IPO7: variants seen among roughly 807,000 people sequenced by gnomAD.
The protein encoded by IPO7 is importin 7.
A neutral mutation model predicts 136.4 loss-of-function variants in IPO7; 13 were observed. That is an observed-to-expected ratio of 0.10 (90% CI 0.06 to 0.15). IPO7 has a LOEUF of 0.15. Among genes scored for constraint, IPO7 ranks in the 10% least tolerant of loss-of-function variants. The probability of loss-of-function intolerance (pLI) is 1.00; values close to 1 mark genes in which losing one functional copy is unlikely to be tolerated. For missense variants in IPO7, 857 were observed against 1,240.6 expected (o/e 0.69, Z 4.65); for synonymous variants, 403 against 404.4 (o/e 1.00, Z 0.04).
chr11:9,448,122 ACAT>A lies in IPO7; in HGVS notation c.*2931_*2933del, dbSNP rs1305961112. ...GTAAAATAAATGACTTAAATTTAAA[ACAT>A]CAGTTATAAAACTGTCAGTTCTGTT... is the stretch of plus-strand genomic sequence containing the variant. On this transcript the variant is annotated 3_prime_UTR_variant, in exon 25 of 25. Transcript: ENST00000379719. 1 of 152,244 alleles carries A rather than the reference ACAT, an allele frequency of 6.6e-6. No individual in the cohort carries two copies. The highest frequency in any genetic ancestry group is 6.5e-5 in the Admixed American group (1 of 15,284). 9.4% of individuals were successfully genotyped at this position (152,244 alleles called of 1,614,324 possible).
chr11:9,402,767 C>G (rs148852774), intron 1 of IPO7: 2,314 of 155,126 alleles, frequency 0.015, 31 homozygotes, highest in Non-Finnish European at 0.025. Context: ...GAAGGAGAAT[C>G]GCTTGAACCC....
chr11:9,422,696 C>G (rs987886663), intron 8 of IPO7, among the ~76,000 whole-genome samples: 3 of 151,918 alleles, frequency 2.0e-5, no homozygotes, highest in Non-Finnish European at 2.9e-5. Context: ...ACCTGTAATC[C>G]CAGCACTTTG....
chr11:9,399,682 A>T (rs1035358197), intron 1 of IPO7, among the ~76,000 whole-genome samples: 5 of 152,180 alleles, frequency 3.3e-5, no homozygotes, highest in Non-Finnish European at 5.9e-5. Flanking sequence ...CCTATGACCA[A>T]GTCCTGGTGA....
In IPO7 at chr11:9,417,203, T is replaced by C. The variant is rs545601808; in HGVS notation, c.726+55T>C. 1.0e-5 allele frequency: 8 copies of C among 791,014 alleles called. No individual in the cohort carries two copies. In the African/African-American group the frequency reaches 1.4e-4, roughly 14 times the overall value. The allele number at this position is 791,014 out of a possible 1,614,324, so 49.0% of individuals were successfully genotyped here. ...TAAATGTAAATATTTAATGATCTTT[T>C]GAAGACTTTAACTGGTGTTTCCTGT... On this transcript the variant is annotated intron_variant, in intron 6 of 24. Transcript: ENST00000379719.
At chr11:9,421,028 G>A (rs1215236685) in intron 8 of IPO7, among the ~76,000 whole-genome samples, 1 of 151,546 alleles carries the variant, frequency 6.6e-6, no homozygotes, top group Non-Finnish European at 1.5e-5. Context: ...GCGTAATCTC[G>A]GCTCACTGCA....
intron 5 of IPO7, chr11:9,414,619 CTTTTTT>C (rs1164303193): frequency 1.8e-4 from 13 of 71,362 alleles, no homozygotes; most frequent in South Asian, 1.2e-3. Flanking sequence ...CCTAATGAAT[CTTTTTT>C]TTTTTTTTTT....
At chr11:9,403,753 C>G (rs1819416830) in intron 2 of IPO7, among the ~76,000 whole-genome samples, 1 of 152,132 alleles carries the variant, frequency 6.6e-6, no homozygotes, top group African/African-American at 2.4e-5. Context: ...TTTTTAGTTC[C>G]TGTTCAACAT....
intron 2 of IPO7, among the ~76,000 whole-genome samples, chr11:9,406,504 TA>T (rs887078514): frequency 6.6e-6 from 1 of 152,188 alleles, no homozygotes; most frequent in African/African-American, 2.4e-5. Flanking sequence ...GAAATTGTTT[TA>T]GTGTGTACAC....
Position 9,394,375 on chromosome 11 carries a change from G to C in IPO7, c.85-8915G>C, listed in dbSNP as rs572260054. Among the ~76,000 whole-genome samples the C allele has an allele frequency of 1.3e-4, 12 of 89,732 alleles. 1 individual carries two copies. The Admixed American group carries it at 1.7e-3, about 13-fold the overall frequency. 58.9% of individuals were successfully genotyped at this position (89,732 alleles called of 152,430 possible). The stretch of plus-strand genomic sequence containing the variant: ...ATTTTTTAAAGTTGAGCTTATTTTG[G>C]GTGGCAGAGAAAGCAGCAGGGAAGC... On this transcript the variant is annotated intron_variant, in intron 1 of 24. Transcript: ENST00000379719.
chr11:9,408,229 A>C (rs561913937), intron 2 of IPO7, among the ~76,000 whole-genome samples: 78 of 152,248 alleles, frequency 5.1e-4, no homozygotes, highest in African/African-American at 1.8e-3. Flanking sequence ...TTAAAAAAAA[A>C]CAGTTTTCTC....
chr11:9,437,165 G>A (rs1255560916), intron 20 of IPO7, among the ~76,000 whole-genome samples: 2 of 151,596 alleles, frequency 1.3e-5, no homozygotes, highest in African/African-American at 4.8e-5. Context: ...GGGATCGCAG[G>A]CATGAGCCAC....
intron 5 of IPO7, 190 bp downstream of exon 5, chr11:9,414,601 TAAAC>T (rs146662493): frequency 0.013 from 2,114 of 164,638 alleles, 48 homozygotes; most frequent in African/African-American, 0.051. Flanking sequence ...CCCAAATACA[TAAAC>T]AACCCTAATG....
At chr11:9,436,143 T>C in intron 19 of IPO7, 128 bp from the exon 20 acceptor site, 2 of 626,314 alleles carry the variant, frequency 3.2e-6, no homozygotes, top group East Asian at 2.8e-5. Flanking sequence ...ATTGCAGTTA[T>C]TCATATTAAT....
intron 15 of IPO7, 102 bp downstream of exon 15, chr11:9,429,936 C>A: frequency 1.3e-6 from 1 of 751,188 alleles, no homozygotes; most frequent in Non-Finnish European, 2.1e-6. Context: ...TAGCAGTCAA[C>A]CTTTTTGGCA....
At chr11:9,436,476 A>G (rs1356688246) in intron 20 of IPO7, 110 bp downstream of exon 20, 4 of 611,192 alleles carry the variant, frequency 6.5e-6, no homozygotes, top group Admixed American at 3.2e-5. Flanking sequence ...TTGTTTATTG[A>G]GACATCTAGA....
intron 4 of IPO7, 67 bp downstream of exon 4, chr11:9,410,153 T>C: frequency 9.5e-7 from 1 of 1,057,080 alleles, no homozygotes; most frequent in Non-Finnish European, 1.3e-6. Context: ...TTTAAGCCAA[T>C]TTGAACATGT....
intron 1 of IPO7, among the ~76,000 whole-genome samples, chr11:9,399,908 A>G (rs1854768808): frequency 6.6e-6 from 1 of 151,848 alleles, no homozygotes; most frequent in African/African-American, 2.4e-5. Flanking sequence ...GTATTAGGGG[A>G]TCCTCCTTTT....
chr11:9,396,286 C>T (rs1325615302), intron 1 of IPO7, among the ~76,000 whole-genome samples: 1 of 152,064 alleles, frequency 6.6e-6, no homozygotes, highest in East Asian at 1.9e-4. Flanking sequence ...ATCCCAACTA[C>T]TCAGGAAGCT....
At chr11:9,393,520 C>G (rs778469665) in intron 1 of IPO7, among the ~76,000 whole-genome samples, 8 of 152,186 alleles carry the variant, frequency 5.3e-5, no homozygotes, top group Admixed American at 1.3e-4. Context: ...GCTGGGATAA[C>G]AAGGCAACCA....
Sources: allele counts gnomAD v4.1 joint callset (sites outside exome capture counted in the v4.1 genomes callset), GRCh38; gene constraint gnomAD v4.1.1; transcripts MANE v1.5; gene names NCBI Gene and HGNC (gene_info 2026-07-23, HGNC 2026-07-21).